Variants in NR1H4 observed in about 807,000 individuals in gnomAD.
NR1H4 encodes bile acid receptor.
Under a neutral mutation model 58.5 loss-of-function variants are expected in NR1H4, and 23 were observed. That is an observed-to-expected ratio of 0.39 (90% CI 0.28 to 0.56). NR1H4 has a LOEUF of 0.56. Among genes scored for constraint, NR1H4 ranks in the 20% least tolerant of loss-of-function variants. NR1H4 has a pLI of 0.58. For synonymous variants in NR1H4, 214 were observed against 198.0 expected (o/e 1.08, Z -0.68); for missense variants, 487 against 576.9 (o/e 0.84, Z 1.60).
intron 4 of NR1H4, among the ~76,000 whole-genome samples, chr12:100,522,762 C>T (rs367960871): frequency 6.6e-6 from 1 of 152,214 alleles, no homozygotes; most frequent in East Asian, 1.9e-4. Flanking sequence ...TATACCTTTG[C>T]TTACTGATAG....
intron 4 of NR1H4, 47 bp downstream of exon 4, chr12:100,511,190 T>C (rs764786817): frequency 3.3e-5 from 54 of 1,613,408 alleles, no homozygotes; most frequent in Non-Finnish European, 4.6e-5. Context: ...TTTACTATAT[T>C]GGTTGTTGAA....
At chr12:100,528,837 T>A (rs1954624674) in intron 4 of NR1H4, among the ~76,000 whole-genome samples, 1 of 152,206 alleles carries the variant, frequency 6.6e-6, no homozygotes, top group Admixed American at 6.5e-5. Context: ...TTGACTCATC[T>A]TGGAAGAAAG....
intron 1 of NR1H4, among the ~76,000 whole-genome samples, chr12:100,479,507 C>T (rs1953335135): frequency 6.6e-6 from 1 of 152,206 alleles, no homozygotes; most frequent in South Asian, 2.1e-4. Flanking sequence ...TTTAGGGTTG[C>T]TCAGAACACA....
chr12:100,515,007 C>T lies in NR1H4; in HGVS notation c.445+3864C>T, dbSNP rs567736779. Among the ~76,000 whole-genome samples the T allele has an allele frequency of 1.2e-4, 18 of 152,108 alleles. No homozygotes were observed. The South Asian group carries it at 3.7e-3, about 32-fold the overall frequency. The stretch of plus-strand genomic sequence containing the variant: ...TCAGGTTCTTTTGAGTTTGGTATCA[C>T]TAGACCATGTGTCATATGAGGCCTC... On this transcript the variant is annotated intron_variant, in intron 4 of 10. Transcript: ENST00000392986.
At chr12:100,551,024 G>A (rs1367506743) in intron 9 of NR1H4, among the ~76,000 whole-genome samples, 1 of 152,152 alleles carries the variant, frequency 6.6e-6, no homozygotes, top group Non-Finnish European at 1.5e-5. Flanking sequence ...AGAGTGCGAG[G>A]AAATTAAGGT....
chr12:100,537,192 A>AT (rs1954833553), intron 8 of NR1H4, 145 bp downstream of exon 8: 1 of 624,100 alleles, frequency 1.6e-6, no homozygotes, highest in Non-Finnish European at 2.8e-6. Flanking sequence ...TTTGCCAAGT[A>AT]TTTTCACATG....
At chr12:100,523,037 A>C in intron 4 of NR1H4, among the ~76,000 whole-genome samples, 1 of 152,012 alleles carries the variant, frequency 6.6e-6, no homozygotes, top group East Asian at 1.9e-4. Flanking sequence ...GTGTCTTTTT[A>C]TCTAATTACT....
At position 100,556,688 on chromosome 12, in the gene NR1H4, C is replaced by G. The variant is rs139460338; in HGVS notation, c.1079-5197C>G. Among the ~76,000 whole-genome samples the G allele has an allele frequency of 4.6e-3, 693 of 152,220 alleles. 3 individuals carry two copies. The highest frequency in any genetic ancestry group is 0.017 in the South Asian group (81 of 4,822). ...TGGGAATGTGTGTTGGATCAAGATT[C>G]AGATAATGTAGACTTGGGTTTTCCA... On this transcript the variant is annotated intron_variant, in intron 9 of 10. Coordinates refer to ENST00000392986, the MANE Select transcript of NR1H4 (RefSeq NM_001206979.2).
At chr12:100,503,346 C>A in intron 3 of NR1H4, 1 of 1,581,018 alleles carries the variant, frequency 6.3e-7, no homozygotes, top group South Asian at 1.1e-5. Flanking sequence ...CTCTCTCACT[C>A]CTTACCTAGT....
At chr12:100,519,863 C>T (rs1044960133) in intron 4 of NR1H4, among the ~76,000 whole-genome samples, 1 of 152,112 alleles carries the variant, frequency 6.6e-6, no homozygotes, top group African/African-American at 2.4e-5. Context: ...CTGCTTCCTC[C>T]CGACTTGAAT....
At chr12:100,475,493 G>A (rs765095793) in intron 1 of NR1H4, among the ~76,000 whole-genome samples, 17 of 152,130 alleles carry the variant, frequency 1.1e-4, no homozygotes, top group Admixed American at 9.2e-4. Context: ...CAGCTGGAGA[G>A]GGAAAGTCAT....
intron 3 of NR1H4, among the ~76,000 whole-genome samples, chr12:100,499,358 C>G (rs1566435697): frequency 6.6e-6 from 1 of 152,204 alleles, no homozygotes; most frequent in Non-Finnish European, 1.5e-5. Flanking sequence ...TTTCAGCATA[C>G]TTGAAATATT....
chr12:100,518,552 T>A (rs780384412), intron 4 of NR1H4, among the ~76,000 whole-genome samples: 15 of 152,194 alleles, frequency 9.9e-5, no homozygotes, highest in Non-Finnish European at 1.6e-4. Context: ...AGGGCCCATG[T>A]TCTATGCCAG....
chr12:100,518,788 CTTTTTTTTTT>C (rs34055370), intron 4 of NR1H4, among the ~76,000 whole-genome samples: 1 of 119,274 alleles, frequency 8.4e-6, no homozygotes. Flanking sequence ...TGACCAATGA[CTTTTTTTTTT>C]TTTTTTTTTT....
intron 4 of NR1H4, among the ~76,000 whole-genome samples, chr12:100,521,203 T>C (rs1954408315): frequency 6.6e-6 from 1 of 152,154 alleles, no homozygotes; most frequent in African/African-American, 2.4e-5. Flanking sequence ...CTTTTTCTGG[T>C]TCCACTAAAA....
intron 3 of NR1H4, chr12:100,500,099 T>C: frequency 2.8e-6 from 1 of 358,280 alleles, no homozygotes; most frequent in African/African-American, 2.1e-5. Flanking sequence ...TGCTAAACAT[T>C]CCATAATTAG....
intron 9 of NR1H4, among the ~76,000 whole-genome samples, chr12:100,543,980 C>G (rs373818834): frequency 6.6e-6 from 1 of 152,068 alleles, no homozygotes; most frequent in Non-Finnish European, 1.5e-5. Flanking sequence ...TGGCCGGGTG[C>G]GGTGGCTCAC....
chr12:100,546,496 C>A (rs1210487611), intron 9 of NR1H4, among the ~76,000 whole-genome samples: 2 of 151,940 alleles, frequency 1.3e-5, no homozygotes, highest in African/African-American at 4.8e-5. Flanking sequence ...GAGTTTGAGA[C>A]CAGCTTGGCC....
In NR1H4 at chr12:100,563,740, G is replaced by A; in HGVS notation, c.*251G>A. 2 of 480,874 alleles carry A rather than the reference G, an allele frequency of 4.2e-6. No individual in the cohort carries two copies. The allele number at this position is 480,874 out of a possible 1,614,324, so 29.8% of individuals were successfully genotyped here. On this transcript the variant is annotated 3_prime_UTR_variant, in exon 11 of 11. Coordinates refer to ENST00000392986, the MANE Select transcript of NR1H4 (RefSeq NM_001206979.2). ...CAAGCCCTGTTTGCCTAATTAAATT[G>A]ATTGTTACTTCAATTCTATCTGTTG... is the stretch of plus-strand genomic sequence containing the variant.
Sources: allele counts gnomAD v4.1 joint callset (sites outside exome capture counted in the v4.1 genomes callset), GRCh38; gene constraint gnomAD v4.1.1; transcripts MANE v1.5; gene names NCBI Gene and HGNC (gene_info 2026-07-23, HGNC 2026-07-21).